Variants in MTHFD2L observed in about 807,000 individuals in gnomAD.
MTHFD2L encodes methylenetetrahydrofolate dehydrogenase (NADP+ dependent) 2 like.
In MTHFD2L, 29 loss-of-function variants were observed where a neutral mutation model predicts 34.9. That is an observed-to-expected ratio of 0.83 (90% CI 0.62 to 1.13). The LOEUF is 1.13. MTHFD2L is among the 50% of genes most tolerant of loss of function. The pLI is 0.00. For synonymous variants in MTHFD2L, 167 were observed against 155.7 expected, an observed-to-expected ratio of 1.07 and a Z score of -0.54; for missense variants, 481 against 446.5, an observed-to-expected ratio of 1.08 and a Z score of -0.70.
At chr4:74,162,369 C>T (rs1725634960) in intron 1 of MTHFD2L, 1 of 152,148 alleles carries the variant, frequency 6.6e-6, no homozygotes, top group African/African-American at 2.4e-5. Context: ...TTCACTGCAT[C>T]ATCTGAACGC....
chr4:74,132,650 A>C (rs1262119822), intron 1 of MTHFD2L, among the ~76,000 whole-genome samples: 4 of 152,124 alleles, frequency 2.6e-5, no homozygotes, highest in African/African-American at 9.7e-5. Flanking sequence ...TGACGGGTTG[A>C]TGGGTGCAGC....
At chr4:74,155,017 G>T (rs1396455189), upstream of MTHFD2L, among the ~76,000 whole-genome samples, 3 of 152,080 alleles carry the variant, frequency 2.0e-5, no homozygotes, top group East Asian at 5.8e-4. Flanking sequence ...TGAGGAACCT[G>T]GCTCCTATCA....
intron 1 of MTHFD2L, among the ~76,000 whole-genome samples, chr4:74,136,225 C>T (rs481763): frequency 0.99 from 150,678 of 152,196 alleles, 74,609 homozygotes; most frequent in East Asian, 1. Context: ...TGCAGAAAAA[C>T]CTAAAGACTC....
Position 74,212,516 on chromosome 4 carries a change from C to G in MTHFD2L, c.712+11146C>G, listed in dbSNP as rs929560896. 3.3e-5 allele frequency among the ~76,000 whole-genome samples: 5 copies of G among 152,278 alleles called. No homozygotes were observed. In the East Asian group the frequency reaches 9.6e-4, roughly 29 times the overall value. ...TAGTTGTGTGTTTTTGAGTGAGTTT[C>G]TTAATCCTGAGCTCCAATTTGATTG... On this transcript the variant is annotated intron_variant, in intron 5 of 7. Coordinates refer to ENST00000325278, the MANE Select transcript of MTHFD2L (RefSeq NM_001144978.3).
chr4:74,302,152 C>T lies in MTHFD2L; in HGVS notation c.*343C>T, dbSNP rs1230534840. On this transcript the variant is annotated 3_prime_UTR_variant, in exon 8 of 8. Transcript: ENST00000325278. ...CATAGAGTATGTTTACAACAAATATCCTGTCAGCCAAATGGTTACCCATAT... is the reference window on the plus strand; with the variant it reads ...CATAGAGTATGTTTACAACAAATATTCTGTCAGCCAAATGGTTACCCATAT... The T allele has an allele frequency of 6.0e-6, 1 of 165,874 alleles. No homozygotes were observed. Among genetic ancestry groups the T allele is most frequent in the African/African-American group, 2.4e-5 (1 of 42,048 alleles). The allele number at this position is 165,874 out of a possible 1,614,324, so 10.3% of individuals were successfully genotyped here. A position where few individuals can be genotyped will look rare whatever the true frequency, so the allele number is the denominator to read the frequency against.
At chr4:74,159,363 C>T (rs1396961362) in intron 1 of MTHFD2L, among the ~76,000 whole-genome samples, 1 of 152,158 alleles carries the variant, frequency 6.6e-6, no homozygotes, top group African/African-American at 2.4e-5. Flanking sequence ...CCAGCTAGAT[C>T]TACTACCTAG....
At chr4:74,235,497 A>G (rs1266707786) in intron 6 of MTHFD2L, among the ~76,000 whole-genome samples, 1 of 152,090 alleles carries the variant, frequency 6.6e-6, no homozygotes, top group Non-Finnish European at 1.5e-5. Flanking sequence ...TCAGGTGGAA[A>G]AGTCCAGGAG....
intron 7 of MTHFD2L, among the ~76,000 whole-genome samples, chr4:74,290,664 G>A (rs187049565): frequency 2.5e-3 from 376 of 151,844 alleles, no homozygotes; most frequent in Middle Eastern, 3.4e-3. Context: ...GTGTGTGTAC[G>A]CGCGAGGGTA....
At chr4:74,212,001 A>G (rs1485295759) in intron 5 of MTHFD2L, among the ~76,000 whole-genome samples, 1 of 152,022 alleles carries the variant, frequency 6.6e-6, no homozygotes, top group African/African-American at 2.4e-5. Context: ...TTCTTCTGGT[A>G]GTTTGTATTT....
chr4:74,216,131 T>C lies in MTHFD2L; in HGVS notation c.713-9171T>C, dbSNP rs576939527. Among the ~76,000 whole-genome samples the C allele has an allele frequency of 2.6e-5, 4 of 152,004 alleles. No individual in the cohort carries two copies. The East Asian group carries it at 7.7e-4, about 29-fold the overall frequency. On this transcript the variant is annotated intron_variant, in intron 5 of 7. Coordinates refer to ENST00000325278, the MANE Select transcript of MTHFD2L (RefSeq NM_001144978.3). ...AATAAATTGAATAATATTCATAAAATGCTTGTTAACAAAAGGGCCACATTT... is the reference window on the plus strand; with the variant it reads ...AATAAATTGAATAATATTCATAAAACGCTTGTTAACAAAAGGGCCACATTT...
chr4:74,118,421 A>T (rs1721692361), upstream of MTHFD2L, among the ~76,000 whole-genome samples: 1 of 152,250 alleles, frequency 6.6e-6, no homozygotes, highest in Admixed American at 6.5e-5. Context: ...CTTATAAAAC[A>T]AAATAAATAT....
At chr4:74,127,128 T>C (rs1295653639) in intron 1 of MTHFD2L, among the ~76,000 whole-genome samples, 1 of 152,160 alleles carries the variant, frequency 6.6e-6, no homozygotes, top group Non-Finnish European at 1.5e-5. Flanking sequence ...GAACTGTGAG[T>C]CAATTATGCC....
chr4:74,141,214 A>T (rs1041368998), intron 1 of MTHFD2L, among the ~76,000 whole-genome samples: 33 of 152,190 alleles, frequency 2.2e-4, no homozygotes, highest in Non-Finnish European at 2.4e-4. Context: ...AGAAGGCCAA[A>T]GTTGCTCAGC....
chr4:74,256,078 G>A (rs762351994), intron 6 of MTHFD2L, among the ~76,000 whole-genome samples: 3 of 152,150 alleles, frequency 2.0e-5, no homozygotes, highest in Non-Finnish European at 4.4e-5. Flanking sequence ...AAATCTCCAA[G>A]CTGCTTTCCA....
chr4:74,298,827 T>G (rs1560571914), intron 7 of MTHFD2L, among the ~76,000 whole-genome samples: 1 of 152,014 alleles, frequency 6.6e-6, no homozygotes, highest in Non-Finnish European at 1.5e-5. Context: ...TTCTACTCGT[T>G]TAGGTCATGA....
chr4:74,169,472 C>G (rs992521734), intron 1 of MTHFD2L, among the ~76,000 whole-genome samples: 4 of 152,166 alleles, frequency 2.6e-5, no homozygotes, highest in African/African-American at 4.8e-5. Flanking sequence ...AGCATCACTA[C>G]TCACATGCTA....
intron 7 of MTHFD2L, among the ~76,000 whole-genome samples, chr4:74,286,293 T>C (rs1038900833): frequency 4.6e-5 from 7 of 152,222 alleles, no homozygotes; most frequent in African/African-American, 1.7e-4. Context: ...TCATTACTAA[T>C]AATCATGCAG....
intron 6 of MTHFD2L, among the ~76,000 whole-genome samples, chr4:74,277,909 G>T (rs1356295139): frequency 1.3e-5 from 2 of 152,008 alleles, no homozygotes; most frequent in African/African-American, 4.8e-5. Flanking sequence ...TCAGTGCACT[G>T]GTGATGGTCT....
At chr4:74,240,579 CCA>C (rs1415447868) in intron 6 of MTHFD2L, among the ~76,000 whole-genome samples, 2 of 151,930 alleles carry the variant, frequency 1.3e-5, no homozygotes, top group Non-Finnish European at 2.9e-5. Context: ...AGAGATATGA[CCA>C]CACACAGTCA....
Sources: gnomAD v4.1 joint callset for allele counts (sites outside exome capture counted in the v4.1 genomes callset) on GRCh38, gnomAD v4.1.1 for gene constraint, MANE v1.5 for transcripts, NCBI Gene and HGNC (gene_info 2026-07-23, HGNC 2026-07-21) for gene names.